Variants in GPC6 observed in about 807,000 individuals in gnomAD.
GPC6 encodes glypican-6.
In GPC6, 14 loss-of-function variants were observed where a neutral mutation model predicts 55.2. That is an observed-to-expected ratio of 0.25 (90% CI 0.17 to 0.40). GPC6 has a LOEUF of 0.40. Among genes scored for constraint, GPC6 ranks in the 10% least tolerant of loss-of-function variants. The pLI, the probability that GPC6 is intolerant of heterozygous loss-of-function variation, is 1.00. For synonymous variants in GPC6, 278 were observed against 259.6 expected, an observed-to-expected ratio of 1.07 and a Z score of -0.68; for missense variants, 641 against 708.5, an observed-to-expected ratio of 0.90 and a Z score of 1.08.
chr13:93,659,960 A>G (rs1432066256), intron 2 of GPC6, among the ~76,000 whole-genome samples: 1 of 152,084 alleles, frequency 6.6e-6, no homozygotes, highest in African/African-American at 2.4e-5. Context: ...ACAATGTGAG[A>G]TTGTTTTGGA....
Position 93,363,469 on chromosome 13 carries a change from A to G in GPC6, c.160+135853A>G, listed in dbSNP as rs185685253. Among the ~76,000 whole-genome samples, 1,187 of 152,098 alleles carry G rather than the reference A, an allele frequency of 7.8e-3. 17 individuals are homozygous for G. The highest frequency in any genetic ancestry group is 0.027 in the African/African-American group (1,140 of 41,474). ...TTCCTACAAAAGACATGAACTCATCATTTTTTATGGCTGCATAGTATTCCA... is the reference window on the plus strand; with the variant it reads ...TTCCTACAAAAGACATGAACTCATCGTTTTTTATGGCTGCATAGTATTCCA... On this transcript the variant is annotated intron_variant, in intron 1 of 8. Transcript: ENST00000377047.
intron 4 of GPC6, among the ~76,000 whole-genome samples, chr13:94,258,753 G>C (rs1297963408): frequency 6.6e-6 from 1 of 152,164 alleles, no homozygotes; most frequent in African/African-American, 2.4e-5. Flanking sequence ...TTTCGGTAGA[G>C]TAAACAAGAT....
chr13:93,905,900 G>T (rs2140331169), intron 3 of GPC6, among the ~76,000 whole-genome samples: 1 of 152,316 alleles, frequency 6.6e-6, no homozygotes, highest in South Asian at 2.1e-4. Context: ...ACCCATGAAT[G>T]GTGGTGCTAC....
chr13:94,270,964 A>ATTTTTTTTTTTTTTTTTT (rs764819082), intron 4 of GPC6, among the ~76,000 whole-genome samples: 1 of 49,578 alleles, frequency 2.0e-5, no homozygotes, highest in African/African-American at 8.0e-5. Context: ...GAGAAGTATA[A>ATTTTTTTTTTTTTTTTTT]TTTTTTTTTT....
At chr13:93,297,624 G>T (rs751424135) in intron 1 of GPC6, among the ~76,000 whole-genome samples, 4 of 151,892 alleles carry the variant, frequency 2.6e-5, no homozygotes, top group Non-Finnish European at 5.9e-5. Context: ...GTCTTTAACA[G>T]AACAAAAAGT....
chr13:94,378,322 G>C (rs780162546), intron 6 of GPC6, among the ~76,000 whole-genome samples: 1 of 152,110 alleles, frequency 6.6e-6, no homozygotes, highest in Non-Finnish European at 1.5e-5. Flanking sequence ...TCAGAAACTT[G>C]ATGGGATTCA....
chr13:93,896,840 C>T (rs1876041182), intron 3 of GPC6, among the ~76,000 whole-genome samples: 1 of 151,952 alleles, frequency 6.6e-6, no homozygotes, highest in African/African-American at 2.4e-5. Context: ...ATCCTGGAAA[C>T]ACCAAGAGAA....
At chr13:93,305,306 A>T (rs1878820121) in intron 1 of GPC6, among the ~76,000 whole-genome samples, 1 of 151,438 alleles carries the variant, frequency 6.6e-6, no homozygotes, top group African/African-American at 2.4e-5. Context: ...TCTAGTGATT[A>T]TGATGAGCAG....
At chr13:93,485,070 G>T (rs1009626882) in intron 1 of GPC6, among the ~76,000 whole-genome samples, 2 of 152,198 alleles carry the variant, frequency 1.3e-5, no homozygotes, top group Non-Finnish European at 2.9e-5. Flanking sequence ...CAAAGAAGGG[G>T]CAGTTAGCCC....
intron 1 of GPC6, among the ~76,000 whole-genome samples, chr13:93,499,851 G>T (rs891657017): frequency 1.3e-5 from 2 of 152,192 alleles, no homozygotes; most frequent in African/African-American, 4.8e-5. Flanking sequence ...TACAAAGTTA[G>T]ATGTGACTTG....
chr13:93,676,173 A>G (rs1881620247), intron 2 of GPC6, among the ~76,000 whole-genome samples: 1 of 30,174 alleles, frequency 3.3e-5, no homozygotes, highest in Non-Finnish European at 9.4e-5. Flanking sequence ...ATATATACAT[A>G]CACACACACA....
intron 4 of GPC6, among the ~76,000 whole-genome samples, chr13:94,028,451 A>G (rs1191462920): frequency 6.6e-6 from 1 of 152,064 alleles, no homozygotes; most frequent in Non-Finnish European, 1.5e-5. Flanking sequence ...AAACAAAAGT[A>G]ATCTTGTTGA....
intron 3 of GPC6, among the ~76,000 whole-genome samples, chr13:93,962,024 C>T (rs141618403): frequency 2.0e-5 from 3 of 152,262 alleles, no homozygotes; most frequent in African/African-American, 7.2e-5. Context: ...TCCTAGTCCT[C>T]ACAACAGCCC....
chr13:94,203,260 T>TA (rs948993321), intron 4 of GPC6, among the ~76,000 whole-genome samples: 5 of 150,116 alleles, frequency 3.3e-5, no homozygotes, highest in African/African-American at 7.3e-5. Context: ...TTGTTACCTT[T>TA]AAAAAAAAAT....
chr13:93,478,162 A>G (rs1246768373), intron 1 of GPC6, among the ~76,000 whole-genome samples: 2 of 152,186 alleles, frequency 1.3e-5, no homozygotes, highest in African/African-American at 4.8e-5. Flanking sequence ...AACAAACTAG[A>G]AATGTTAGAT....
chr13:93,983,719 T>C (rs1314480715), intron 3 of GPC6, among the ~76,000 whole-genome samples: 1 of 151,430 alleles, frequency 6.6e-6, no homozygotes, highest in African/African-American at 2.4e-5. Flanking sequence ...TATTCAAAAC[T>C]CCAAACTTCC....
At chr13:93,881,458 T>A (rs1373403725) in intron 3 of GPC6, among the ~76,000 whole-genome samples, 1 of 152,100 alleles carries the variant, frequency 6.6e-6, no homozygotes, top group Non-Finnish European at 1.5e-5. Context: ...TTAAATGGCA[T>A]AATATAATTT....
At chr13:93,216,971 A>G in the GPC6 span, among the ~76,000 whole-genome samples, 1 of 152,360 alleles carries the variant, frequency 6.6e-6, no homozygotes, top group East Asian at 1.9e-4. Flanking sequence ...ACCAATTGCA[A>G]TACATAATAG....
chr13:94,077,243 T>C (rs4773777), intron 4 of GPC6, among the ~76,000 whole-genome samples: 21,311 of 151,800 alleles, frequency 0.14, 1,923 homozygotes, highest in South Asian at 0.25. Context: ...TTGATGCTAT[T>C]GTTAATGGGA....
Sources: allele counts gnomAD v4.1 joint callset (sites outside exome capture counted in the v4.1 genomes callset), GRCh38; gene constraint gnomAD v4.1.1; transcripts MANE v1.5; gene names NCBI Gene and HGNC (gene_info 2026-07-23, HGNC 2026-07-21).